LRMDA: variants seen among roughly 807,000 people sequenced by gnomAD.
The protein encoded by LRMDA is leucine rich melanocyte differentiation associated.
Under a neutral mutation model 29.8 loss-of-function variants are expected in LRMDA, and 18 were observed. The observed-to-expected ratio is 0.60, with a 90% CI of 0.42 to 0.90. The LOEUF (loss-of-function observed/expected upper bound fraction) is 0.90. Ranked by LOEUF, LRMDA falls within the 40% of genes least tolerant of loss-of-function variation. The probability of loss-of-function intolerance (pLI) is 0.00; values close to 1 mark genes in which losing one functional copy is unlikely to be tolerated. For synonymous variants in LRMDA, 125 were observed against 109.4 expected (o/e 1.14, Z -0.89); for missense variants, 273 against 273.9 (o/e 1.00, Z 0.02).
intron 2 of LRMDA, among the ~76,000 whole-genome samples, chr10:75,973,786 G>A (rs1279844905): frequency 1.3e-5 from 2 of 152,154 alleles, no homozygotes; most frequent in Admixed American, 1.3e-4. Context: ...CCGTGACTTG[G>A]GGGCGGTGGG....
intron 2 of LRMDA, among the ~76,000 whole-genome samples, chr10:75,838,365 A>C (rs1247705864): frequency 6.6e-6 from 1 of 152,350 alleles, no homozygotes; most frequent in South Asian, 2.1e-4. Context: ...TGAATAGTTT[A>C]TATAGGGAAC....
At chr10:76,539,338 G>A (rs1239030939) in intron 6 of LRMDA, among the ~76,000 whole-genome samples, 2 of 152,178 alleles carry the variant, frequency 1.3e-5, no homozygotes, top group Non-Finnish European at 2.9e-5. Context: ...CAGGAAATCT[G>A]CCTAGATGAT....
At chr10:75,680,172 A>G (rs1462520838) in intron 2 of LRMDA, among the ~76,000 whole-genome samples, 1 of 152,262 alleles carries the variant, frequency 6.6e-6, no homozygotes, top group East Asian at 1.9e-4. Flanking sequence ...TAGTGCTGTA[A>G]CAAGATCCCC....
At chr10:75,733,599 G>T (rs753988722) in intron 2 of LRMDA, among the ~76,000 whole-genome samples, 2 of 152,142 alleles carry the variant, frequency 1.3e-5, no homozygotes, top group Non-Finnish European at 2.9e-5. Context: ...TGATAATGTG[G>T]CCTGTTATGG....
chr10:76,174,241 A>G (rs1850891649), intron 5 of LRMDA, among the ~76,000 whole-genome samples: 1 of 152,204 alleles, frequency 6.6e-6, no homozygotes, highest in African/African-American at 2.4e-5. Context: ...GTATCAAAAC[A>G]TATCATGTAC....
At chr10:76,202,555 A>T (rs1053265273) in intron 5 of LRMDA, among the ~76,000 whole-genome samples, 1 of 152,240 alleles carries the variant, frequency 6.6e-6, no homozygotes, top group East Asian at 1.9e-4. Flanking sequence ...ATGAAACTTT[A>T]TCAGGTGTGT....
At chr10:75,500,790 T>C (rs1845104706) in intron 2 of LRMDA, among the ~76,000 whole-genome samples, 1 of 152,120 alleles carries the variant, frequency 6.6e-6, no homozygotes, top group Non-Finnish European at 1.5e-5. Context: ...TCACTCACTA[T>C]CATGAGAACA....
chr10:76,468,470 T>C (rs550681628), intron 6 of LRMDA, among the ~76,000 whole-genome samples: 98 of 152,350 alleles, frequency 6.4e-4, no homozygotes, highest in African/African-American at 2.3e-3. Flanking sequence ...TTTAAGCTAT[T>C]GTATGCTTTT....
chr10:76,440,359 A>T (rs1213503955), intron 6 of LRMDA, among the ~76,000 whole-genome samples: 1 of 152,226 alleles, frequency 6.6e-6, no homozygotes, highest in Non-Finnish European at 1.5e-5. Context: ...TAATCTTCAT[A>T]GTCATGGTTC....
intron 2 of LRMDA, among the ~76,000 whole-genome samples, chr10:75,689,246 G>A (rs981542842): frequency 1.5e-4 from 23 of 152,180 alleles, no homozygotes; most frequent in African/African-American, 4.3e-4. Flanking sequence ...ACGGCACATC[G>A]GATCCTAACT....
At chr10:75,514,621 C>T (rs1845268539) in intron 2 of LRMDA, among the ~76,000 whole-genome samples, 1 of 152,068 alleles carries the variant, frequency 6.6e-6, no homozygotes, top group African/African-American at 2.4e-5. Context: ...TGAGTTCTTG[C>T]TCTATTAGTC....
intron 2 of LRMDA, among the ~76,000 whole-genome samples, chr10:75,771,092 G>T (rs1331019808): frequency 6.6e-6 from 1 of 152,152 alleles, no homozygotes; most frequent in African/African-American, 2.4e-5. Flanking sequence ...CTGGGGGTTG[G>T]TGTGGTGACC....
At chr10:75,919,385 T>C (rs1257061929) in intron 2 of LRMDA, among the ~76,000 whole-genome samples, 1 of 152,204 alleles carries the variant, frequency 6.6e-6, no homozygotes, top group Non-Finnish European at 1.5e-5. Context: ...GTTTCAGCAG[T>C]GTAGATGATT....
At chr10:76,192,048 G>C (rs1011639197) in intron 5 of LRMDA, among the ~76,000 whole-genome samples, 1 of 152,110 alleles carries the variant, frequency 6.6e-6, no homozygotes, top group Non-Finnish European at 1.5e-5. Flanking sequence ...GAGTAGGGTC[G>C]TCTAGTCCTT....
At chr10:75,660,790 GA>G (rs1841742600) in intron 2 of LRMDA, among the ~76,000 whole-genome samples, 1 of 151,618 alleles carries the variant, frequency 6.6e-6, no homozygotes, top group South Asian at 2.1e-4. Context: ...TCAAGCTGCT[GA>G]AAAATTGCTT....
chr10:75,911,600 C>T (rs1189135923), intron 2 of LRMDA, among the ~76,000 whole-genome samples: 1 of 152,186 alleles, frequency 6.6e-6, no homozygotes, highest in Non-Finnish European at 1.5e-5. Context: ...AAAGAGTGAA[C>T]AGCTAATAAG....
intron 2 of LRMDA, among the ~76,000 whole-genome samples, chr10:75,878,233 GA>G (rs890545325): frequency 6.6e-6 from 1 of 151,946 alleles, no homozygotes; most frequent in African/African-American, 2.4e-5. Context: ...TAGGGTACTG[GA>G]AAAATCAGAT....
At chr10:75,456,690 T>G (rs988031555) in intron 2 of LRMDA, among the ~76,000 whole-genome samples, 21 of 152,330 alleles carry the variant, frequency 1.4e-4, no homozygotes, top group African/African-American at 5.1e-4. Context: ...TTTATTTTGT[T>G]TTTTGAAAAA....
At chr10:75,960,172 T>C (rs1184163411) in intron 2 of LRMDA, among the ~76,000 whole-genome samples, 1 of 152,208 alleles carries the variant, frequency 6.6e-6, no homozygotes, top group Non-Finnish European at 1.5e-5. Flanking sequence ...GAGTGGCTAT[T>C]AGCTGGATAT....
Sources: allele counts gnomAD v4.1 joint callset (sites outside exome capture counted in the v4.1 genomes callset), GRCh38; gene constraint gnomAD v4.1.1; transcripts MANE v1.5; gene names NCBI Gene and HGNC (gene_info 2026-07-23, HGNC 2026-07-21).